Variants in GAREM1 observed in about 807,000 individuals in gnomAD.
GAREM1 encodes GRB2 associated regulator of MAPK1 subtype 1.
GAREM1 carries 26 observed loss-of-function variants against 71.3 expected under a neutral mutation model. That is an observed-to-expected ratio of 0.36 (90% CI 0.27 to 0.51). The LOEUF (loss-of-function observed/expected upper bound fraction) is 0.51, where lower values mean the gene tolerates loss of function less well. Among genes scored for constraint, GAREM1 ranks in the 20% least tolerant of loss-of-function variants. The probability of loss-of-function intolerance (pLI) is 0.95; values close to 1 mark genes in which losing one functional copy is unlikely to be tolerated. For synonymous variants in GAREM1, 440 were observed against 433.2 expected (o/e 1.02, Z -0.20); for missense variants, 1,026 against 1,103.1 (o/e 0.93, Z 0.99).
At chr18:32,410,604 C>T (rs1010650051) in intron 1 of GAREM1, among the ~76,000 whole-genome samples, 14 of 152,128 alleles carry the variant, frequency 9.2e-5, no homozygotes, top group Non-Finnish European at 1.9e-4. Context: ...CCCATCTTGG[C>T]CTCCCAAAGC....
chr18:32,318,858 T>C (rs534962393), intron 2 of GAREM1, among the ~76,000 whole-genome samples: 1 of 152,286 alleles, frequency 6.6e-6, no homozygotes, highest in South Asian at 2.1e-4. Flanking sequence ...CAGAAAAATG[T>C]TGCTGAAACC....
chr18:32,318,531 C>A (rs1166077626), intron 2 of GAREM1, among the ~76,000 whole-genome samples: 1 of 152,158 alleles, frequency 6.6e-6, no homozygotes, highest in Admixed American at 6.5e-5. Context: ...AAATAAAAGG[C>A]AGACTTAGAG....
chr18:32,415,812 CACA>C (rs1214085764), intron 1 of GAREM1, among the ~76,000 whole-genome samples: 2 of 152,050 alleles, frequency 1.3e-5, no homozygotes, highest in Non-Finnish European at 2.9e-5. Flanking sequence ...AAATCTGGAA[CACA>C]ACAAGTAAGT....
intron 2 of GAREM1, among the ~76,000 whole-genome samples, chr18:32,377,586 C>T (rs575753446): frequency 5.3e-5 from 8 of 152,216 alleles, no homozygotes; most frequent in African/African-American, 7.2e-5. Flanking sequence ...TTTTTTGAGA[C>T]GGAGTCTCGT....
chr18:32,364,039 T>TGTTTTTTTTTG (rs1567980922), intron 2 of GAREM1, among the ~76,000 whole-genome samples: 23 of 93,840 alleles, frequency 2.5e-4, no homozygotes, highest in South Asian at 4.1e-4. Flanking sequence ...TTTTTTTTTT[T>TGTTTTTTTTTG]TTTTTTTTTT....
At chr18:32,283,115 C>T (rs1480112030) in intron 4 of GAREM1, among the ~76,000 whole-genome samples, 2 of 152,218 alleles carry the variant, frequency 1.3e-5, no homozygotes, top group East Asian at 3.8e-4. Context: ...TTGGGCTCAG[C>T]TGCAACAGTT....
Position 32,287,551 on chromosome 18 carries a change from T to C in GAREM1, c.1046A>G (p.Asp349Gly). 5.0e-6 allele frequency: 8 copies of C among 1,614,142 alleles called. No individual in the cohort carries two copies. The highest frequency in any genetic ancestry group is 5.9e-6 in the Non-Finnish European group (7 of 1,180,022). ...YSRAVRDVKT[D>G]WNEECKSPKK... ...GGGGCTCTTGCATTCTTCATTCCAG[T>C]CGGTTTTCACATCACGGACAGCCCG... The change falls in exon 4 of 6, where the codon GAC becomes GGC. Residue 349 changes from aspartate to glycine, a missense_variant. By Grantham distance (94) the Asp-to-Gly change is moderately conservative (BLOSUM62 -1). Coordinates refer to ENST00000269209, the MANE Select transcript of GAREM1 (RefSeq NM_001242409.2). This position sits in a 1 kb window ranked among gnomAD's most constrained non-coding sequence, Gnocchi z 5.9.
At chr18:32,395,739 A>G (rs1189290675) in intron 1 of GAREM1, among the ~76,000 whole-genome samples, 3 of 152,214 alleles carry the variant, frequency 2.0e-5, no homozygotes, top group Non-Finnish European at 2.9e-5. Flanking sequence ...CTATGGGGGC[A>G]GGGCATAGCC....
Position 32,454,406 on chromosome 18 carries a change from G to T in GAREM1, c.121+15902C>A, listed in dbSNP as rs142047958. Among the ~76,000 whole-genome samples, 7 of 151,520 alleles carry T rather than the reference G, an allele frequency of 4.6e-5. No homozygotes were observed. The East Asian group carries it at 1.2e-3, about 26-fold the overall frequency. ...CAGAGATATGAAAATGTACACCTTA[G>T]AATCAATGAAATATGTTAATTTCCA... On this transcript the variant is annotated intron_variant, in intron 1 of 5. Transcript: ENST00000269209.
At chr18:32,379,541 C>T (rs1452004785) in intron 2 of GAREM1, among the ~76,000 whole-genome samples, 1 of 143,324 alleles carries the variant, frequency 7.0e-6, no homozygotes, top group African/African-American at 2.6e-5. Flanking sequence ...CCCATCTCTA[C>T]TAAAATACAA....
intron 2 of GAREM1, among the ~76,000 whole-genome samples, chr18:32,359,478 G>A (rs1455580296): frequency 6.6e-6 from 1 of 152,142 alleles, no homozygotes; most frequent in Admixed American, 6.6e-5. Flanking sequence ...GTTCACAGTG[G>A]AGCCAAATGG....
rs2047708854 is a variant in GAREM1 at position 32,347,581 on chromosome 18, AGG to A, written c.263-37260_263-37259del. 2.0e-5 allele frequency among the ~76,000 whole-genome samples: 3 copies of A among 152,348 alleles called. No homozygotes were observed. The South Asian group carries it at 6.2e-4, about 32-fold the overall frequency. ...AAACAGTCTTTTCAAAGGCGAACTGAGGGAACTTTCCTAAAGCAAACTGGGTC... is the reference window on the plus strand; with the variant it reads ...AAACAGTCTTTTCAAAGGCGAACTGAGAACTTTCCTAAAGCAAACTGGGTC... On this transcript the variant is annotated intron_variant, in intron 2 of 5. Transcript: ENST00000269209.
At chr18:32,412,256 A>T in intron 1 of GAREM1, 3 of 1,572,254 alleles carry the variant, frequency 1.9e-6, no homozygotes, top group Non-Finnish European at 2.6e-6. Flanking sequence ...TGCTGCTGGA[A>T]CCGCCATAGC....
At position 32,449,936 on chromosome 18, in the gene GAREM1, A is replaced by G. The variant is rs185313253; in HGVS notation, c.121+20372T>C. ...GTGAATAATTTAGGTGGAGACCCCTATGGACATTGGGCAGGCAAAGGCATA... is the reference window on the plus strand; with the variant it reads ...GTGAATAATTTAGGTGGAGACCCCTGTGGACATTGGGCAGGCAAAGGCATA... On this transcript the variant is annotated intron_variant, in intron 1 of 5. Transcript: ENST00000269209. 1.3e-4 allele frequency among the ~76,000 whole-genome samples: 20 copies of G among 152,284 alleles called. No individual in the cohort carries two copies. In the East Asian group the frequency reaches 3.9e-3, roughly 29 times the overall value.
intron 1 of GAREM1, among the ~76,000 whole-genome samples, chr18:32,417,966 A>C (rs1770129333): frequency 6.6e-6 from 1 of 152,138 alleles, no homozygotes; most frequent in African/African-American, 2.4e-5. Flanking sequence ...CCTGTACCAA[A>C]ATATCTCATG....
intron 2 of GAREM1, among the ~76,000 whole-genome samples, chr18:32,328,611 A>G (rs2047495748): frequency 6.6e-6 from 1 of 152,160 alleles, no homozygotes; most frequent in Non-Finnish European, 1.5e-5. Flanking sequence ...GACGTTAGAG[A>G]GGGTTAGGTA....
At chr18:32,400,392 C>T (rs1361319928) in intron 1 of GAREM1, among the ~76,000 whole-genome samples, 1 of 152,150 alleles carries the variant, frequency 6.6e-6, no homozygotes, top group South Asian at 2.1e-4. Flanking sequence ...AGGCAACCTA[C>T]AGAATGGGAG....
chr18:32,463,153 T>C (rs1460971020), intron 1 of GAREM1, among the ~76,000 whole-genome samples: 6 of 152,160 alleles, frequency 3.9e-5, no homozygotes, highest in Non-Finnish European at 8.8e-5. Flanking sequence ...CATTGCATAA[T>C]GTGTACATAT....
intron 1 of GAREM1, among the ~76,000 whole-genome samples, chr18:32,398,426 T>C (rs994976686): frequency 1.3e-5 from 2 of 151,902 alleles, no homozygotes; most frequent in Admixed American, 1.3e-4. Flanking sequence ...CTAGCAAGAC[T>C]AATAAAGAAG....
Sources: allele counts gnomAD v4.1 joint callset (sites outside exome capture counted in the v4.1 genomes callset), GRCh38; gene constraint gnomAD v4.1.1; non-coding constraint Gnocchi (gnomAD v3.1); transcripts MANE v1.5; gene names NCBI Gene and HGNC (gene_info 2026-07-23, HGNC 2026-07-21).